Variants in SERINC5 observed in about 807,000 individuals in gnomAD.
SERINC5 encodes the protein chromosome 5 open reading frame 12.
A neutral mutation model predicts 63.1 loss-of-function variants in SERINC5; 41 were observed. The ratio of observed to expected loss-of-function variants is 0.65; its 90% CI spans 0.51 to 0.84. SERINC5 has a LOEUF of 0.84. Ranked by LOEUF, SERINC5 falls within the 40% of genes least tolerant of loss-of-function variation. SERINC5 has a pLI of 0.00. For synonymous variants in SERINC5, 222 were observed against 215.2 expected (o/e 1.03, Z -0.28); for missense variants, 523 against 573.0 (o/e 0.91, Z 0.89).
At chr5:80,164,910 G>GTTTTGTTTTTTT (rs1747174810) in intron 7 of SERINC5, among the ~76,000 whole-genome samples, 1 of 85,190 alleles carries the variant, frequency 1.2e-5, no homozygotes, top group African/African-American at 4.9e-5. Context: ...CTTTTTTTCT[G>GTTTTGTTTTTTT]TTTTTTTTTT....
chr5:80,231,203 C>G (rs34765704), intron 1 of SERINC5, among the ~76,000 whole-genome samples: 1 of 152,036 alleles, frequency 6.6e-6, no homozygotes, highest in African/African-American at 2.4e-5. Flanking sequence ...CTATAGAAAA[C>G]CCAATCAAAA....
Position 80,143,517 on chromosome 5 carries a change from T to C in SERINC5, c.*146A>G. 1.5e-6 allele frequency: 2 copies of C among 1,372,578 alleles called. No individual in the cohort carries two copies. The highest frequency in any genetic ancestry group is 3.8e-5 in the South Asian group (2 of 52,008). 85.0% of individuals were successfully genotyped at this position (1,372,578 alleles called of 1,614,324 possible). A position where few individuals can be genotyped will look rare whatever the true frequency, so the allele number is the denominator to read the frequency against. On this transcript the variant is annotated 3_prime_UTR_variant, in exon 12 of 12. Transcript: ENST00000507668. Reference sequence around the variant, plus strand: ...TTTTTGAATTTCAAAAGTAAAAAGCTAATCAGGAGATTTTTTTTTTTCTCT... The same window carrying C: ...TTTTTGAATTTCAAAAGTAAAAAGCCAATCAGGAGATTTTTTTTTTTCTCT...
intron 1 of SERINC5, among the ~76,000 whole-genome samples, chr5:80,206,313 G>A (rs912585245): frequency 1.4e-4 from 21 of 152,246 alleles, no homozygotes; most frequent in African/African-American, 4.8e-4. Flanking sequence ...ACGATCACAG[G>A]TATATGGGTA....
chr5:80,177,668 G>A (rs544991310), intron 3 of SERINC5, among the ~76,000 whole-genome samples: 18 of 152,308 alleles, frequency 1.2e-4, no homozygotes, highest in African/African-American at 4.3e-4. Flanking sequence ...TAAACTCTTT[G>A]TCTTGAGTAA....
chr5:80,113,630 C>T (rs541249101), intron 11 of SERINC5: 5 of 294,376 alleles, frequency 1.7e-5, no homozygotes, highest in Middle Eastern at 1.2e-3. Context: ...GCACTTCTTA[C>T]ATGGCAGCAG....
downstream of SERINC5, among the ~76,000 whole-genome samples, chr5:80,111,476 G>C (rs1744106036): frequency 1.3e-5 from 2 of 152,196 alleles, no homozygotes; most frequent in Admixed American, 1.3e-4. Flanking sequence ...GCTGGGCTTT[G>C]GGTGCTATCA....
At chr5:80,192,119 C>T (rs1311717250) in intron 2 of SERINC5, among the ~76,000 whole-genome samples, 1 of 152,220 alleles carries the variant, frequency 6.6e-6, no homozygotes, top group African/African-American at 2.4e-5. Flanking sequence ...ACAGAGACCA[C>T]AGGGCCTCCA....
intron 5 of SERINC5, among the ~76,000 whole-genome samples, chr5:80,171,544 T>C (rs1747657546): frequency 6.6e-6 from 1 of 151,968 alleles, no homozygotes; most frequent in African/African-American, 2.4e-5. Context: ...AAAAGTTAAA[T>C]AGATAGGAAT....
chr5:80,231,460 T>G (rs1222613712), intron 1 of SERINC5, among the ~76,000 whole-genome samples: 2 of 152,266 alleles, frequency 1.3e-5, no homozygotes, highest in African/African-American at 4.8e-5. Flanking sequence ...TACTTACAAT[T>G]AAATCTCTAT....
chr5:80,116,538 C>A (rs1381159040), intron 11 of SERINC5, among the ~76,000 whole-genome samples: 1 of 152,084 alleles, frequency 6.6e-6, no homozygotes, highest in Non-Finnish European at 1.5e-5. Context: ...AGAGTGAGAG[C>A]CAGGCTTACC....
At chr5:80,234,045 C>T (rs1468234236) in intron 1 of SERINC5, among the ~76,000 whole-genome samples, 1 of 152,098 alleles carries the variant, frequency 6.6e-6, no homozygotes, top group South Asian at 2.1e-4. Context: ...CTCCTGAACT[C>T]GTGATCCGTC....
At chr5:80,225,685 T>G (rs1751135283) in intron 1 of SERINC5, among the ~76,000 whole-genome samples, 1 of 152,160 alleles carries the variant, frequency 6.6e-6, no homozygotes, top group African/African-American at 2.4e-5. Context: ...CCATACTGCC[T>G]TAAAAGAGTA....
In SERINC5 at chr5:80,146,198, C is replaced by T. The variant is rs375296527; in HGVS notation, c.1130G>A (p.Arg377Gln). 1.7e-5 allele frequency: 27 copies of T among 1,613,962 alleles called. No individual in the cohort carries two copies. In the African/African-American group the frequency reaches 2.8e-4, roughly 17 times the overall value. ...EEQQPGKEGP[R>Q]VIYDEKKGTV... ...GCCTTTCTTCTCGTCATAAATGACC[C>T]GTGGTCCCTCCTTCCCCGGCTGCTG... is the stretch of plus-strand genomic sequence containing the variant. Residue 377 changes from arginine (R) to glutamine (Q), a missense_variant, in exon 11 of 12, where the codon CGG becomes CAG. Physicochemically the swap from Arg to Gln is conservative, Grantham distance 43. Coordinates refer to ENST00000507668, the MANE Select transcript of SERINC5 (RefSeq NM_001174072.3).
chr5:80,176,780 G>A (rs985748978), intron 4 of SERINC5, among the ~76,000 whole-genome samples: 1 of 152,226 alleles, frequency 6.6e-6, no homozygotes, highest in Non-Finnish European at 1.5e-5. Flanking sequence ...ATCCATTTGG[G>A]TTGAACAAAA....
intron 1 of SERINC5, among the ~76,000 whole-genome samples, chr5:80,229,781 T>G (rs1284778000): frequency 6.6e-6 from 1 of 152,236 alleles, no homozygotes; most frequent in Non-Finnish European, 1.5e-5. Flanking sequence ...GCATGCATGC[T>G]CATTTCATTC....
chr5:80,226,830 T>C (rs547383486), intron 1 of SERINC5, among the ~76,000 whole-genome samples: 5 of 152,342 alleles, frequency 3.3e-5, no homozygotes, highest in Non-Finnish European at 5.9e-5. Context: ...AATAATCCCA[T>C]GAAGTAAATA....
At chr5:80,180,596 A>T (rs1444469059) in intron 2 of SERINC5, among the ~76,000 whole-genome samples, 1 of 152,172 alleles carries the variant, frequency 6.6e-6, no homozygotes, top group Non-Finnish European at 1.5e-5. Context: ...GGCGCTCCCA[A>T]AGAGGTTGCT....
At chr5:80,112,063 C>G (rs1224463985) in intron 12 of SERINC5, among the ~76,000 whole-genome samples, 1 of 152,202 alleles carries the variant, frequency 6.6e-6, no homozygotes, top group Non-Finnish European at 1.5e-5. Flanking sequence ...AAGTTCCTCC[C>G]CACTGAGACA....
chr5:80,203,462 A>T, intron 1 of SERINC5, among the ~76,000 whole-genome samples: 1 of 151,734 alleles, frequency 6.6e-6, no homozygotes, highest in East Asian at 1.9e-4. Flanking sequence ...GCTTGAACCC[A>T]GGAGTTTGAG....
Sources: allele counts gnomAD v4.1 joint callset (sites outside exome capture counted in the v4.1 genomes callset), GRCh38; gene constraint gnomAD v4.1.1; transcripts MANE v1.5; gene names NCBI Gene and HGNC (gene_info 2026-07-23, HGNC 2026-07-21).